TFR2: variants seen among roughly 807,000 people sequenced by gnomAD.
TFR2 encodes the protein transferrin receptor protein 2.
Under a neutral mutation model 91.9 loss-of-function variants are expected in TFR2, and 64 were observed. The observed-to-expected ratio is 0.70, with a 90% CI of 0.57 to 0.86. The LOEUF is 0.86. Ranked by LOEUF, TFR2 falls within the 40% of genes least tolerant of loss-of-function variation. TFR2 has a pLI of 0.00. For missense variants in TFR2, 950 were observed against 1,080.5 expected (o/e 0.88, Z 1.69); for synonymous variants, 454 against 459.6 (o/e 0.99, Z 0.15).
intron 3 of TFR2, among the ~76,000 whole-genome samples, chr7:100,635,775 A>T (rs531394864): frequency 4.6e-5 from 7 of 151,462 alleles, no homozygotes; most frequent in African/African-American, 1.7e-4. Flanking sequence ...AATTATTATT[A>T]TTTTTTTAAG....
chr7:100,637,835 ATT>A (rs71126327), intron 3 of TFR2, among the ~76,000 whole-genome samples: 2 of 144,148 alleles, frequency 1.4e-5, no homozygotes, highest in Admixed American at 6.9e-5. Flanking sequence ...ATGTAATTTA[ATT>A]TTTTTTTTTT....
intron 3 of TFR2, among the ~76,000 whole-genome samples, chr7:100,638,903 CT>C (rs1803633333): frequency 6.6e-6 from 1 of 151,808 alleles, no homozygotes; most frequent in Admixed American, 6.6e-5. Context: ...CAGTGAGGCC[CT>C]ATCTCAAAAA....
rs1404629457 is a variant in TFR2 at position 100,633,483 on chromosome 7, G to A, written c.547C>T (p.Leu183Phe). ...ACGTGGTCCAGCTTCTGGCGGGAGA[G>A]CGCCGCGCGAATGTCCTGAGTCAGA... is the stretch of plus-strand genomic sequence containing the variant. ...AALTQDIRAA[L>F]SRQKLDHVWT... The change falls in exon 4 of 18, where the codon CTC (leucine) becomes TTC (phenylalanine). Residue 183 changes from leucine (L) to phenylalanine (F), a missense_variant. Transcript: ENST00000223051. The A allele has an allele frequency of 2.5e-6, 4 of 1,612,288 alleles. No individual in the cohort carries two copies. The highest frequency in any genetic ancestry group is 3.4e-6 in the Non-Finnish European group (4 of 1,179,908).
At position 100,640,850 on chromosome 7, in the gene TFR2, G is replaced by A. The variant is rs1803683295; in HGVS notation, c.309C>T (p.Ala103=). 6.2e-7 allele frequency: 1 copy of A among 1,614,136 alleles called. No individual in the cohort carries two copies. The highest frequency in any genetic ancestry group is 8.5e-7 in the Non-Finnish European group (1 of 1,180,028). The change falls in exon 3 of 18, where the codon GCC becomes GCT. Residue 103 remains alanine, a synonymous_variant. Coordinates refer to ENST00000223051, the MANE Select transcript of TFR2 (RefSeq NM_003227.4). ...CGCACGCCTGGCAGGACCCTCGGAAGGCGACGTAGCCCAGTAGGAAGGCTG... is the reference window on the plus strand; with the variant it reads ...CGCACGCCTGGCAGGACCCTCGGAAAGCGACGTAGCCCAGTAGGAAGGCTG... The part of the protein sequence containing the change: ...FTGAFLLGYV[A]FRGSCQACGD...
chr7:100,626,934 C>A, intron 16 of TFR2, 31 bp from the exon 17 acceptor site: 1 of 1,527,024 alleles, frequency 6.5e-7, no homozygotes, highest in Non-Finnish European at 8.8e-7. Flanking sequence ...CTGGGGCTGG[C>A]GGCAGGGGCC....
intron 8 of TFR2, 47 bp downstream of exon 8, chr7:100,631,759 T>C: frequency 1.3e-6 from 2 of 1,594,114 alleles, no homozygotes; most frequent in South Asian, 2.3e-5. Flanking sequence ...CGCTGCAGCC[T>C]TCCTCTCTCT....
At chr7:100,624,841 C>T (rs1410581121) in intron 17 of TFR2, among the ~76,000 whole-genome samples, 2 of 151,278 alleles carry the variant, frequency 1.3e-5, no homozygotes, top group East Asian at 3.9e-4. Flanking sequence ...TACTGCACTC[C>T]AGCCTGGGCA....
At chr7:100,621,695 CG>C (rs1244599046) in intron 17 of TFR2, among the ~76,000 whole-genome samples, 1 of 152,158 alleles carries the variant, frequency 6.6e-6, no homozygotes, top group Non-Finnish European at 1.5e-5. Flanking sequence ...CTCCCCACAC[CG>C]AGTCATTCTC....
intron 10 of TFR2, 70 bp from the exon 11 acceptor site, chr7:100,628,376 G>A (rs1803329665): frequency 6.8e-7 from 1 of 1,464,282 alleles, no homozygotes. Flanking sequence ...GTCTTCTTCT[G>A]TCCTGGTCCC....
chr7:100,633,637 CG>C, intron 3 of TFR2, 81 bp from the exon 4 acceptor site: 1 of 1,387,298 alleles, frequency 7.2e-7, no homozygotes, highest in Non-Finnish European at 9.4e-7. Flanking sequence ...GACGTGGGGT[CG>C]CCAGGGGCAG....
In TFR2 at chr7:100,632,179, A is replaced by T; in HGVS notation, c.869T>A (p.Phe290Tyr). The T allele has an allele frequency of 6.2e-7, 1 of 1,614,014 alleles. No individual in the cohort carries two copies. The highest frequency in any genetic ancestry group is 8.5e-7 in the Non-Finnish European group (1 of 1,179,980). The change falls in exon 7 of 18, where the codon TTC becomes TAC. Residue 290 changes from phenylalanine to tyrosine, a missense_variant. By Grantham distance (22) the Phe-to-Tyr change is conservative. Transcript: ENST00000223051. ...FAQKVTNAQD[F>Y]GAQGVLIYPE... ...GTATATGAGCACTCCTTGAGCCCCG[A>T]AGTCCTGAGCATTGGTCACCTGGGG...
At chr7:100,634,603 G>GGGGAA (rs1437106715) in intron 3 of TFR2, among the ~76,000 whole-genome samples, 1 of 152,212 alleles carries the variant, frequency 6.6e-6, no homozygotes, top group African/African-American at 2.4e-5. Context: ...GGGGAGGGGA[G>GGGGAA]TGGGGAGGAT....
intron 6 of TFR2, chr7:100,632,733 AG>A (rs372103570): frequency 4.4e-4 from 136 of 312,256 alleles, no homozygotes; most frequent in Middle Eastern, 3.4e-3. Context: ...AAAAAAAAAA[AG>A]AACCTTTTTT....
At chr7:100,622,846 C>G (rs1385424508) in intron 17 of TFR2, among the ~76,000 whole-genome samples, 1 of 152,178 alleles carries the variant, frequency 6.6e-6, no homozygotes, top group East Asian at 1.9e-4. Context: ...GTAATCCCAT[C>G]TAGTCAGGAG....
chr7:100,629,529 C>G (rs1422733019), intron 9 of TFR2, among the ~76,000 whole-genome samples, 157 bp from the exon 10 acceptor site: 2 of 152,186 alleles, frequency 1.3e-5, no homozygotes, highest in African/African-American at 4.8e-5. Flanking sequence ...CCACTTGGCC[C>G]TTCCTGGATG....
At chr7:100,634,177 AACACACACACACACACACACACACACAC>A (rs3076877) in intron 3 of TFR2, among the ~76,000 whole-genome samples, 7 of 132,716 alleles carry the variant, frequency 5.3e-5, no homozygotes, top group African/African-American at 1.7e-4. Flanking sequence ...TCCCGACGTC[AACACACACACACACACACACACACACAC>A]ACACACACAC....
At chr7:100,637,125 C>A (rs568107106) in intron 3 of TFR2, among the ~76,000 whole-genome samples, 1 of 152,044 alleles carries the variant, frequency 6.6e-6, no homozygotes, top group Non-Finnish European at 1.5e-5. Flanking sequence ...AATTGCCGGG[C>A]GCAGTGGCTC....
At chr7:100,639,442 GCTGT>G (rs908463384) in intron 3 of TFR2, among the ~76,000 whole-genome samples, 6 of 152,174 alleles carry the variant, frequency 3.9e-5, no homozygotes, top group African/African-American at 1.4e-4. Context: ...ATTTTAAAAA[GCTGT>G]CTGGAGCACA....
At chr7:100,632,865 C>T (rs1229720121) in intron 6 of TFR2, 136 bp downstream of exon 6, 5 of 1,486,664 alleles carry the variant, frequency 3.4e-6, no homozygotes, top group Non-Finnish European at 3.7e-6. Context: ...ACCATCGTGC[C>T]CAGCTTATAT....
Sources: gnomAD v4.1 joint callset for allele counts (sites outside exome capture counted in the v4.1 genomes callset) on GRCh38, gnomAD v4.1.1 for gene constraint, MANE v1.5 for transcripts, NCBI Gene and HGNC (gene_info 2026-07-23, HGNC 2026-07-21) for gene names.